The following COLEC10 variants were observed in gnomAD, a reference collection of about 807,000 sequenced individuals.
COLEC10 encodes the protein collectin subfamily member 10.
In COLEC10, 22 loss-of-function variants were observed where a neutral mutation model predicts 28.4. The observed-to-expected ratio is 0.78, with a 90% CI of 0.55 to 1.11. The LOEUF is 1.11. COLEC10 is among the 50% of genes least tolerant of loss of function. The probability of loss-of-function intolerance (pLI) is 0.00; values close to 1 mark genes in which losing one functional copy is unlikely to be tolerated. For synonymous variants in COLEC10, 125 were observed against 116.1 expected (o/e 1.08, Z -0.49); for missense variants, 361 against 344.1 (o/e 1.05, Z -0.39).
chr8:119,107,450 C>A lies in COLEC10; in HGVS notation c.*1259C>A, dbSNP rs888522296. ...ATACTCTAGATTATCACCCTATAAACTTCTACTCCAGTTATGGTTTCTGAC... is the reference window on the plus strand; with the variant it reads ...ATACTCTAGATTATCACCCTATAAAATTCTACTCCAGTTATGGTTTCTGAC... On this transcript the variant is annotated 3_prime_UTR_variant, in exon 6 of 6. Transcript: ENST00000332843. 1.3e-5 allele frequency among the ~76,000 whole-genome samples: 2 copies of A among 152,206 alleles called. No homozygotes were observed. The highest frequency in any genetic ancestry group is 2.4e-5 in the African/African-American group (1 of 41,464).
chr8:118,969,757 A>C, the COLEC10 span, among the ~76,000 whole-genome samples: 1 of 150,678 alleles, frequency 6.6e-6, no homozygotes, highest in Admixed American at 6.6e-5. Flanking sequence ...AGTTGGATAG[A>C]GTGGGTTTCT....
At position 119,056,000 on chromosome 8, in the gene COLEC10, A is replaced by G. The variant is rs1023033239; in HGVS notation, n.236-33680A>G. Among the ~76,000 whole-genome samples, 5 of 152,096 alleles carry G rather than the reference A, an allele frequency of 3.3e-5. 1 individual carries two copies. In the South Asian group the frequency reaches 6.2e-4, roughly 19 times the overall value. On this transcript the variant is annotated intron_variant and non_coding_transcript_variant, in intron 2 of 6. Transcript: ENST00000521788. ...ACCAACTCCACGTATCCAAGATTCA[A>G]TTCATCTACTTCTCCTCACAATTTG...
At chr8:119,057,777 A>G (rs1193107668) in intron 2 of COLEC10, among the ~76,000 whole-genome samples, 1 of 152,102 alleles carries the variant, frequency 6.6e-6, no homozygotes, top group African/African-American at 2.4e-5. Context: ...AATTCATCCA[A>G]TATTATTCCA....
rs550567558 is a variant in COLEC10, at chr8:119,036,073, T to A, written n.235+26520T>A. The stretch of plus-strand genomic sequence containing the variant: ...TTTATGTTTTTATATTTAATAAAAT[T>A]AATTCAAGCACACGGTTTTAAAAAA... On this transcript the variant is annotated intron_variant and non_coding_transcript_variant, in intron 2 of 6. Transcript: ENST00000521788. Among the ~76,000 whole-genome samples the A allele has an allele frequency of 3.3e-5, 5 of 152,310 alleles. No homozygotes were observed. The East Asian group carries it at 9.6e-4, about 29-fold the overall frequency.
chr8:119,102,961 T>C (rs1815867987), intron 4 of COLEC10, among the ~76,000 whole-genome samples: 1 of 152,206 alleles, frequency 6.6e-6, no homozygotes, highest in South Asian at 2.1e-4. Context: ...TAAGAACTTT[T>C]TGACATTCTT....
intron 2 of COLEC10, among the ~76,000 whole-genome samples, chr8:119,016,615 T>C (rs1813995636): frequency 6.6e-6 from 1 of 152,124 alleles, no homozygotes; most frequent in Non-Finnish European, 1.5e-5. Flanking sequence ...TCTTCCACAA[T>C]CGTTGAACTA....
chr8:119,077,243 ATTTTTTT>A (rs762180766), intron 1 of COLEC10, among the ~76,000 whole-genome samples: 1 of 90,288 alleles, frequency 1.1e-5, no homozygotes, highest in Non-Finnish European at 2.1e-5. Flanking sequence ...GTAGAGAATG[ATTTTTTT>A]TTTTTTTTTT....
chr8:119,067,647 C>T, intron 1 of COLEC10: 1 of 489,598 alleles, frequency 2.0e-6, no homozygotes, highest in South Asian at 2.9e-5. Context: ...AAGGGGAAAC[C>T]CAGGACGGAG....
At chr8:118,971,185 G>A in the COLEC10 span, among the ~76,000 whole-genome samples, 5 of 151,834 alleles carry the variant, frequency 3.3e-5, 1 homozygote, top group Admixed American at 6.6e-5. Context: ...CAACCAAAAG[G>A]AGAAGAAAAA....
At chr8:118,980,959 G>T in the COLEC10 span, among the ~76,000 whole-genome samples, 1 of 149,158 alleles carries the variant, frequency 6.7e-6, no homozygotes, top group Non-Finnish European at 1.5e-5. Context: ...TTGACCCTGA[G>T]CATTTTTTTG....
intron 2 of COLEC10, among the ~76,000 whole-genome samples, chr8:119,056,469 T>C (rs973121966): frequency 2.6e-5 from 4 of 152,052 alleles, no homozygotes; most frequent in African/African-American, 9.7e-5. Context: ...ATGCCTAGAA[T>C]GTAGATGCAA....
intron 1 of COLEC10, among the ~76,000 whole-genome samples, chr8:119,086,938 T>C (rs1330412948): frequency 2.0e-5 from 3 of 152,204 alleles, no homozygotes; most frequent in African/African-American, 7.2e-5. Flanking sequence ...AATGCCCCTG[T>C]TTGAATCCTG....
chr8:119,022,246 C>G (rs1814112181), intron 2 of COLEC10, among the ~76,000 whole-genome samples: 1 of 152,018 alleles, frequency 6.6e-6, no homozygotes, highest in African/African-American at 2.4e-5. Context: ...AAACACAGGC[C>G]AGATCATTTA....
chr8:119,102,717 A>G, intron 4 of COLEC10: 1 of 263,280 alleles, frequency 3.8e-6, no homozygotes, highest in Non-Finnish European at 7.1e-6. Flanking sequence ...TCAGCATGCC[A>G]TGCCTTGCCT....
intron 2 of COLEC10, among the ~76,000 whole-genome samples, chr8:119,033,401 T>A (rs1179916080): frequency 6.6e-6 from 1 of 152,062 alleles, no homozygotes; most frequent in African/African-American, 2.4e-5. Flanking sequence ...ACAAATGGGA[T>A]CTTATTAAAC....
chr8:118,988,748 A>G, the COLEC10 span, among the ~76,000 whole-genome samples: 6 of 152,212 alleles, frequency 3.9e-5, no homozygotes, highest in Admixed American at 3.3e-4. Flanking sequence ...GACTGCATAA[A>G]AAATGCCCAA....
upstream of COLEC10, among the ~76,000 whole-genome samples, chr8:119,063,763 C>T (rs568553489): frequency 3.4e-5 from 5 of 149,236 alleles, no homozygotes; most frequent in East Asian, 3.9e-4. Context: ...AGAGGAATAA[C>T]GAGGCAAATA....
chr8:119,074,093 C>A (rs1313825926), intron 1 of COLEC10, among the ~76,000 whole-genome samples: 1 of 151,590 alleles, frequency 6.6e-6, no homozygotes, highest in African/African-American at 2.4e-5. Context: ...CATAAAATGG[C>A]CAAAACACTG....
upstream of COLEC10, chr8:119,063,298 T>C (rs1814890893): frequency 6.6e-6 from 1 of 152,200 alleles, no homozygotes; most frequent in African/African-American, 2.4e-5. Context: ...CATAACAAGT[T>C]ACCCCAAACT....
Sources: gnomAD v4.1 joint callset for allele counts (sites outside exome capture counted in the v4.1 genomes callset) on GRCh38, gnomAD v4.1.1 for gene constraint, MANE v1.5 for transcripts, NCBI Gene and HGNC (gene_info 2026-07-23, HGNC 2026-07-21) for gene names.